The following PCDHA8 variants were observed in gnomAD, a reference collection of about 807,000 sequenced individuals.
PCDHA8 encodes the protein protocadherin alpha-8.
In PCDHA8, 53 loss-of-function variants were observed where a neutral mutation model predicts 61.8. That is an observed-to-expected ratio of 0.86 (90% CI 0.69 to 1.08). The LOEUF (loss-of-function observed/expected upper bound fraction) is 1.08, where lower values mean the gene tolerates loss of function less well. Among genes scored for constraint, PCDHA8 ranks in the 50% least tolerant of loss-of-function variants. PCDHA8 has a pLI of 0.00. For synonymous variants in PCDHA8, 618 were observed against 556.6 expected (o/e 1.11, Z -1.55); for missense variants, 1,293 against 1,245.0 (o/e 1.04, Z -0.58).
intron 1 of PCDHA8, chr5:140,863,139 G>A (rs1554157817): frequency 3.3e-6 from 2 of 605,396 alleles, no homozygotes; most frequent in African/African-American, 3.7e-5. Flanking sequence ...GCCTGCTGGT[G>A]CTGGTGAAGG....
At chr5:140,846,304 C>T (rs183413454) in intron 1 of PCDHA8, among the ~76,000 whole-genome samples, 1 of 148,754 alleles carries the variant, frequency 6.7e-6, no homozygotes, top group East Asian at 1.9e-4. Flanking sequence ...ATTAAGTAAA[C>T]CATTTATGTA....
chr5:140,944,206 T>C (rs1291391135), intron 1 of PCDHA8, among the ~76,000 whole-genome samples: 1 of 152,156 alleles, frequency 6.6e-6, no homozygotes, highest in Non-Finnish European at 1.5e-5. Context: ...GTTTTGTTTT[T>C]AAAGAGGGTT....
At chr5:140,949,745 T>C (rs114918785) in intron 1 of PCDHA8, among the ~76,000 whole-genome samples, 49 of 152,020 alleles carry the variant, frequency 3.2e-4, no homozygotes, top group African/African-American at 1.1e-3. Context: ...ACTGAAGTGC[T>C]TAGCCCATTC....
At chr5:140,939,897 T>G (rs1563176465) in intron 1 of PCDHA8, among the ~76,000 whole-genome samples, 1 of 152,230 alleles carries the variant, frequency 6.6e-6, no homozygotes. Flanking sequence ...TCAAATATTC[T>G]GCATTCTTTT....
chr5:140,980,949 A>G (rs1187381167), intron 2 of PCDHA8, among the ~76,000 whole-genome samples: 1 of 152,182 alleles, frequency 6.6e-6, no homozygotes, highest in East Asian at 1.9e-4. Context: ...TGGCTCCAGG[A>G]TAGTTACACC....
intron 1 of PCDHA8, among the ~76,000 whole-genome samples, chr5:140,900,728 C>A (rs2068258961): frequency 1.3e-5 from 2 of 152,188 alleles, no homozygotes; most frequent in Non-Finnish European, 2.9e-5. Flanking sequence ...TCCTACCTAG[C>A]AGTGGGATTT....
At chr5:140,882,087 C>A in intron 1 of PCDHA8, 2 of 1,081,718 alleles carry the variant, frequency 1.8e-6, no homozygotes, top group Non-Finnish European at 2.6e-6. Flanking sequence ...TCGCTCTTCA[C>A]TGAGAACGTT....
intron 1 of PCDHA8, among the ~76,000 whole-genome samples, chr5:140,872,175 T>A (rs1402825591): frequency 6.6e-5 from 10 of 152,228 alleles, no homozygotes; most frequent in African/African-American, 2.4e-4. Context: ...CTTTTTTTTT[T>A]TTACAGTGTT....
intron 1 of PCDHA8, among the ~76,000 whole-genome samples, chr5:140,974,883 C>T (rs1188748856): frequency 1.3e-5 from 2 of 152,154 alleles, no homozygotes; most frequent in Non-Finnish European, 2.9e-5. Context: ...CTATGTATCC[C>T]TTTTCTGATG....
intron 3 of PCDHA8, among the ~76,000 whole-genome samples, chr5:140,994,339 A>T (rs1279466681): frequency 6.6e-6 from 1 of 152,146 alleles, no homozygotes; most frequent in Non-Finnish European, 1.5e-5. Context: ...TGAACAGTGG[A>T]TGTTGTGGGA....
At chr5:140,967,468 C>T (rs155807) in intron 1 of PCDHA8, 541,339 of 1,613,022 alleles carry the variant, frequency 0.34, 92,423 homozygotes, top group East Asian at 0.5. Context: ...ATGGGGGCAT[C>T]CCAGCCCGCT....
At chr5:140,849,341 C>T (rs2150435526) in intron 1 of PCDHA8, 27 of 1,407,914 alleles carry the variant, frequency 1.9e-5, no homozygotes, top group Middle Eastern at 2.4e-4. Flanking sequence ...ACTCCTTCTC[C>T]AGTGATGTTT....
intron 1 of PCDHA8, among the ~76,000 whole-genome samples, chr5:140,903,428 T>C (rs954463543): frequency 2.0e-5 from 3 of 152,210 alleles, no homozygotes; most frequent in Non-Finnish European, 4.4e-5. Flanking sequence ...CAGCACAATA[T>C]GTATCAGTGG....
At chr5:140,890,917 G>C (rs1465334645) in intron 1 of PCDHA8, among the ~76,000 whole-genome samples, 3 of 152,116 alleles carry the variant, frequency 2.0e-5, no homozygotes, top group Non-Finnish European at 4.4e-5. Context: ...AATAATTTGA[G>C]AGTTTCCTTT....
chr5:141,002,555 A>C (rs1349538713), intron 3 of PCDHA8, among the ~76,000 whole-genome samples: 1 of 152,222 alleles, frequency 6.6e-6, no homozygotes, highest in Admixed American at 6.5e-5. Context: ...CCCAGGATCC[A>C]CCAGTTAGTG....
chr5:140,899,788 C>T (rs1260643506), intron 1 of PCDHA8, among the ~76,000 whole-genome samples: 3 of 152,054 alleles, frequency 2.0e-5, no homozygotes, highest in Admixed American at 6.6e-5. Context: ...TGGTATAATT[C>T]GGCTGTGAAT....
intron 1 of PCDHA8, chr5:140,928,746 C>G (rs782813323): frequency 1.2e-6 from 2 of 1,614,012 alleles, no homozygotes; most frequent in Non-Finnish European, 1.7e-6. Flanking sequence ...TAGGTGAGCT[C>G]CGTACTGCTC....
At chr5:140,935,616 C>T (rs1247673748) in intron 1 of PCDHA8, among the ~76,000 whole-genome samples, 13 of 151,976 alleles carry the variant, frequency 8.6e-5, no homozygotes, top group African/African-American at 3.1e-4. Flanking sequence ...TTTTTCAAGT[C>T]GCTTTCAAAT....
chr5:140,876,919 GA>G, intron 1 of PCDHA8: 2 of 1,613,952 alleles, frequency 1.2e-6, no homozygotes, highest in Non-Finnish European at 1.7e-6. Context: ...ATGGGACGCG[GA>G]CGCGCAGAAG....
Sources: gnomAD v4.1 joint callset for allele counts (sites outside exome capture counted in the v4.1 genomes callset) on GRCh38, gnomAD v4.1.1 for gene constraint, MANE v1.5 for transcripts, NCBI Gene and HGNC (gene_info 2026-07-23, HGNC 2026-07-21) for gene names.